The following C2CD5 variants were observed in gnomAD, a reference collection of about 807,000 sequenced individuals.
C2CD5 encodes C2 domain-containing protein 5.
In C2CD5, 109 loss-of-function variants were observed where a neutral mutation model predicts 130.3. That is an observed-to-expected ratio of 0.84 (90% CI 0.72 to 0.98). C2CD5 has a LOEUF of 0.98. Among genes scored for constraint, C2CD5 ranks in the 50% least tolerant of loss-of-function variants. The probability of loss-of-function intolerance (pLI) is 0.00; values close to 1 mark genes in which losing one functional copy is unlikely to be tolerated. For missense variants in C2CD5, 996 were observed against 1,261.8 expected (o/e 0.79, Z 3.19); for synonymous variants, 454 against 429.2 (o/e 1.06, Z -0.71).
At chr12:22,493,420 T>C (rs1946611583) in intron 10 of C2CD5, 83 bp from the exon 11 acceptor site, 6 of 684,026 alleles carry the variant, frequency 8.8e-6, no homozygotes, top group South Asian at 2.3e-5. Context: ...AAACATACTA[T>C]GGGAAGTAAA....
intron 20 of C2CD5, 113 bp downstream of exon 20, chr12:22,471,286 T>C (rs937816852): frequency 1.6e-6 from 1 of 642,974 alleles, no homozygotes; most frequent in Non-Finnish European, 2.7e-6. Context: ...TTTTTAATAT[T>C]GTGAGGTAAA....
At position 22,484,955 on chromosome 12, in the gene C2CD5, G is replaced by A. The variant is rs1420082411; in HGVS notation, c.1359-67C>T. The A allele has an allele frequency of 5.5e-6, 4 of 732,498 alleles. No individual in the cohort carries two copies. The Admixed American group carries it at 1.0e-4, about 19-fold the overall frequency. The allele number at this position is 732,498 out of a possible 1,614,324, so 45.4% of individuals were successfully genotyped here. A position where few individuals can be genotyped will look rare whatever the true frequency, so the allele number is the denominator to read the frequency against. ...TACCAATTTTTTCAAAAATAATTATGTAACTGATATTACATACACAGTACT... is the reference window on the plus strand; with the variant it reads ...TACCAATTTTTTCAAAAATAATTATATAACTGATATTACATACACAGTACT... On this transcript the variant is annotated intron_variant, in intron 12 of 26. Transcript: ENST00000446597.
chr12:22,504,307 T>C (rs569938091), intron 10 of C2CD5, among the ~76,000 whole-genome samples: 23 of 150,488 alleles, frequency 1.5e-4, no homozygotes, highest in Non-Finnish European at 3.0e-4. Flanking sequence ...TTTTTTTCTT[T>C]TTTTTTTTTT....
chr12:22,484,820 A>G lies in C2CD5; in HGVS notation c.1427T>C (p.Phe476Ser). The G allele has an allele frequency of 6.2e-7, 1 of 1,609,140 alleles. No homozygotes were observed. The highest frequency in any genetic ancestry group is 8.5e-7 in the Non-Finnish European group (1 of 1,177,046). Residue 476 changes from phenylalanine to serine, a missense_variant, in exon 13 of 27, where the codon TTT becomes TCT. Around this residue, in one of 9 missense-constraint regions of C2CD5, gnomAD observed 590 missense variants for 631.4 expected, o/e 0.93. Transcript: ENST00000446597. ...ATAGCAATATGTGAGATGAGCTGGA[A>G]ATGGCATATTCAGTTCATCATATGG... ...HIPYDELNMPFPAHLTYCYNC... is the reference protein window; with the variant it reads ...HIPYDELNMPSPAHLTYCYNC...
At position 22,470,920 on chromosome 12, in the gene C2CD5, A is replaced by G. The variant is rs1469888761; in HGVS notation, c.2359-9T>C. ...ACTGCCGTGACTGTAACCTAGAATTATAAAAACAATAATGGTTAGCAAAAT... is the reference window on the plus strand; with the variant it reads ...ACTGCCGTGACTGTAACCTAGAATTGTAAAAACAATAATGGTTAGCAAAAT... On this transcript the variant is annotated splice_polypyrimidine_tract_variant and intron_variant, in intron 20 of 26. Coordinates refer to ENST00000446597, the MANE Select transcript of C2CD5 (RefSeq NM_001286176.2). 2 of 1,586,966 alleles carry G rather than the reference A, an allele frequency of 1.3e-6. No homozygotes were observed. The highest frequency in any genetic ancestry group is 2.2e-5 in the East Asian group (1 of 44,656).
At chr12:22,509,283 G>A (rs1362836380) in intron 9 of C2CD5, among the ~76,000 whole-genome samples, 1 of 152,162 alleles carries the variant, frequency 6.6e-6, no homozygotes, top group Non-Finnish European at 1.5e-5. Flanking sequence ...GGTAAATTAT[G>A]TATTAGAAAA....
At chr12:22,465,996 T>A (rs1372709026) in intron 22 of C2CD5, among the ~76,000 whole-genome samples, 1 of 151,812 alleles carries the variant, frequency 6.6e-6, no homozygotes, top group African/African-American at 2.4e-5. Context: ...CCAAATATAA[T>A]AAACGATGGA....
At chr12:22,516,165 C>CTGA (rs1197580717) in intron 8 of C2CD5, among the ~76,000 whole-genome samples, 3 of 151,666 alleles carry the variant, frequency 2.0e-5, no homozygotes, top group Non-Finnish European at 4.4e-5. Context: ...GACACTGATT[C>CTGA]TGATATAGGT....
Position 22,499,590 on chromosome 12 carries a change from C to T in C2CD5, c.1148-6253G>A, listed in dbSNP as rs576722224. On this transcript the variant is annotated intron_variant, in intron 10 of 26. Transcript: ENST00000446597. The stretch of plus-strand genomic sequence containing the variant: ...AGGTTACCTATGTAGCCAAGGTTAC[C>T]ACACAGTCTGCTAACTGGTCTCCCT... 4.6e-5 allele frequency among the ~76,000 whole-genome samples: 7 copies of T among 152,298 alleles called. No individual in the cohort carries two copies. In the South Asian group the frequency reaches 1.5e-3, roughly 32 times the overall value.
chr12:22,495,972 C>A (rs1387342712), intron 10 of C2CD5, among the ~76,000 whole-genome samples: 1 of 151,914 alleles, frequency 6.6e-6, no homozygotes, highest in Non-Finnish European at 1.5e-5. Flanking sequence ...TAGGTGAAAG[C>A]AAGGCAAGCA....
intron 9 of C2CD5, among the ~76,000 whole-genome samples, chr12:22,508,244 T>C (rs1289719339): frequency 6.6e-6 from 1 of 151,992 alleles, no homozygotes; most frequent in African/African-American, 2.4e-5. Context: ...TTAGAAGTAA[T>C]CTTTAAACAA....
At chr12:22,544,038 G>C in intron 2 of C2CD5, 23 bp downstream of exon 2, 1 of 1,570,070 alleles carries the variant, frequency 6.4e-7, no homozygotes, top group Non-Finnish European at 8.8e-7. Context: ...CCTGTGTTTT[G>C]AGGGGCAGGA....
At position 22,523,253 on chromosome 12, in the gene C2CD5, A is replaced by G. The variant is rs1418728894; in HGVS notation, c.800+173T>C. Among the ~76,000 whole-genome samples, 5 of 152,274 alleles carry G rather than the reference A, an allele frequency of 3.3e-5. No homozygotes were observed. In the East Asian group the frequency reaches 9.7e-4, roughly 29 times the overall value. ...AAAATAAATAAGACGGTATAAATAA[A>G]ATATTAGGAATATTTAAATATTTTT... On this transcript the variant is annotated intron_variant, in intron 7 of 26. Transcript: ENST00000446597.
At chr12:22,453,676 G>C (rs977248812) in intron 26 of C2CD5, among the ~76,000 whole-genome samples, 1 of 152,142 alleles carries the variant, frequency 6.6e-6, no homozygotes, top group African/African-American at 2.4e-5. Context: ...TTCCAGATGT[G>C]ATTAAGAATA....
intron 10 of C2CD5, among the ~76,000 whole-genome samples, chr12:22,495,893 G>GT (rs1471867026): frequency 6.6e-6 from 1 of 152,018 alleles, no homozygotes; most frequent in Non-Finnish European, 1.5e-5. Flanking sequence ...CTTGGATCAG[G>GT]TGACAGTACA....
intron 14 of C2CD5, among the ~76,000 whole-genome samples, chr12:22,479,423 A>C (rs973563646): frequency 1.3e-5 from 2 of 152,036 alleles, no homozygotes; most frequent in Non-Finnish European, 2.9e-5. Context: ...AATAGCAAAA[A>C]AAAAATTAAA....
chr12:22,519,162 C>T, intron 7 of C2CD5: 2 of 1,535,762 alleles, frequency 1.3e-6, no homozygotes, highest in South Asian at 1.2e-5. Flanking sequence ...CTGAGTAAGT[C>T]GTGAGCCAGT....
intron 2 of C2CD5, among the ~76,000 whole-genome samples, chr12:22,539,098 C>T (rs1437435845): frequency 4.6e-5 from 7 of 152,152 alleles, no homozygotes; most frequent in Admixed American, 3.9e-4. Flanking sequence ...CATAGCCATA[C>T]ATCTTGAAAC....
intron 10 of C2CD5, among the ~76,000 whole-genome samples, chr12:22,493,607 T>C (rs143159447): frequency 2.7e-4 from 41 of 152,242 alleles, no homozygotes; most frequent in Admixed American, 5.2e-4. Context: ...ATTTTAAATG[T>C]AGACCCAGAG....
Sources: gnomAD v4.1 joint callset for allele counts (sites outside exome capture counted in the v4.1 genomes callset) on GRCh38, gnomAD v4.1.1 for gene constraint, gnomAD v4.1.1 regional missense constraint, MANE v1.5 for transcripts, NCBI Gene and HGNC (gene_info 2026-07-23, HGNC 2026-07-21) for gene names.